The following ARHGAP22 variants were observed in gnomAD, a reference collection of about 807,000 sequenced individuals.
ARHGAP22 encodes the protein Rho GTPase activating protein 22, also known as rho GTPase-activating protein 22.
In ARHGAP22, 48 loss-of-function variants were observed where a neutral mutation model predicts 59.1. That is an observed-to-expected ratio of 0.81 (90% CI 0.64 to 1.03). The LOEUF is 1.03. ARHGAP22 is among the 50% of genes least tolerant of loss of function. The pLI is 0.00. For missense variants in ARHGAP22, 1,015 were observed against 958.7 expected (o/e 1.06, Z -0.78); for synonymous variants, 445 against 416.4 (o/e 1.07, Z -0.84).
chr10:48,571,231 A>G (rs1186052406), intron 2 of ARHGAP22, among the ~76,000 whole-genome samples: 4 of 152,220 alleles, frequency 2.6e-5, no homozygotes, highest in Non-Finnish European at 4.4e-5. Flanking sequence ...CACCCAGTAG[A>G]CCACTCCATC....
chr10:48,550,923 A>G (rs1323441599), intron 3 of ARHGAP22, among the ~76,000 whole-genome samples: 1 of 152,158 alleles, frequency 6.6e-6, no homozygotes, highest in Admixed American at 6.5e-5. Flanking sequence ...AGTCTCATTA[A>G]GGATCTCTCC....
intron 2 of ARHGAP22, among the ~76,000 whole-genome samples, chr10:48,562,530 A>G (rs1184725897): frequency 6.6e-6 from 1 of 152,230 alleles, no homozygotes; most frequent in Non-Finnish European, 1.5e-5. Context: ...GGGAAAGAAG[A>G]CAGACAACAA....
At chr10:48,652,391 C>A in exon 1 of ARHGAP22, 7 of 915,892 alleles carry the variant, frequency 7.6e-6, no homozygotes, top group Non-Finnish European at 1.2e-5. Flanking sequence ...AACAGGAGAT[C>A]CACATCTATA....
chr10:48,586,008 T>C (rs1049861820), intron 1 of ARHGAP22, among the ~76,000 whole-genome samples: 7 of 152,100 alleles, frequency 4.6e-5, no homozygotes, highest in African/African-American at 1.7e-4. Flanking sequence ...TCACCTTATC[T>C]GTGTTTCAGA....
intron 1 of ARHGAP22, among the ~76,000 whole-genome samples, chr10:48,647,999 A>G (rs996508778): frequency 6.6e-6 from 1 of 152,218 alleles, no homozygotes; most frequent in Non-Finnish European, 1.5e-5. Context: ...ATTTATGAAG[A>G]CAAAAAGCAG....
chr10:48,531,571 G>A (rs960265954), intron 3 of ARHGAP22, among the ~76,000 whole-genome samples: 10 of 152,304 alleles, frequency 6.6e-5, no homozygotes, highest in Admixed American at 5.9e-4. Context: ...GCCAGGCTAA[G>A]AGCTTGACAT....
chr10:48,467,256 T>C (rs946721366), intron 4 of ARHGAP22, among the ~76,000 whole-genome samples: 1 of 152,208 alleles, frequency 6.6e-6, no homozygotes, highest in Non-Finnish European at 1.5e-5. Flanking sequence ...TGGACCTTCA[T>C]TAACACCTAC....
intron 5 of ARHGAP22, among the ~76,000 whole-genome samples, chr10:48,457,111 GC>G (rs2046609275): frequency 6.6e-6 from 1 of 152,248 alleles, no homozygotes; most frequent in South Asian, 2.1e-4. Flanking sequence ...GGTCAGTGCA[GC>G]CCGCAGCAAG....
the ARHGAP22 span, chr10:48,434,858 T>G: frequency 6.3e-7 from 1 of 1,584,982 alleles, no homozygotes; most frequent in South Asian, 1.1e-5. Flanking sequence ...TGCAACTGAT[T>G]TGCTGTTTTG....
chr10:48,572,290 C>G (rs374030980), intron 2 of ARHGAP22, among the ~76,000 whole-genome samples: 4 of 152,210 alleles, frequency 2.6e-5, no homozygotes, highest in African/African-American at 9.6e-5. Flanking sequence ...GGCACTAGCC[C>G]TAAGAAACAA....
intron 4 of ARHGAP22, among the ~76,000 whole-genome samples, chr10:48,464,206 C>A (rs1204425292): frequency 6.6e-6 from 1 of 152,210 alleles, no homozygotes; most frequent in African/African-American, 2.4e-5. Flanking sequence ...ACATCGTCCT[C>A]AGGATAAAGC....
chr10:48,601,370 T>C (rs1463448052), intron 1 of ARHGAP22, among the ~76,000 whole-genome samples: 2 of 152,218 alleles, frequency 1.3e-5, no homozygotes, highest in Non-Finnish European at 2.9e-5. Flanking sequence ...TCCTGCAGCC[T>C]TGGGGCAAAA....
At chr10:48,605,079 A>G, upstream of ARHGAP22, 1 of 1,310,568 alleles carries the variant, frequency 7.6e-7, no homozygotes, top group South Asian at 1.7e-5. Flanking sequence ...TCACTGGACC[A>G]GGGCGGGGCA....
chr10:48,589,468 A>T (rs1340548548), intron 1 of ARHGAP22, among the ~76,000 whole-genome samples: 4 of 152,158 alleles, frequency 2.6e-5, no homozygotes, highest in Admixed American at 6.5e-5. Context: ...CTTCAGACTC[A>T]TGTGTCAAAC....
rs1284056309 is a variant in ARHGAP22 at position 48,493,498 on chromosome 10, A to G, written c.323-13734T>C. The G allele has an allele frequency of 9.8e-6, 15 of 1,535,620 alleles. No homozygotes were observed. In the East Asian group the frequency reaches 2.9e-4, roughly 30 times the overall value. On this transcript the variant is annotated intron_variant, in intron 3 of 9. Coordinates refer to ENST00000249601, the MANE Select transcript of ARHGAP22 (RefSeq NM_021226.4). ...GATGGGCCAGAAGGGCATGGTGTGG[A>G]GCAGCGGGGGCTGCAGTGAGAGGAG...
rs555456580 is a variant in ARHGAP22 at position 48,542,152 on chromosome 10, A to C, written c.322+13311T>G. Among the ~76,000 whole-genome samples, 74 of 152,302 alleles carry C rather than the reference A, an allele frequency of 4.9e-4. 1 individual carries two copies. Among genetic ancestry groups the C allele is most frequent in the African/African-American group, 1.7e-3 (71 of 41,556 alleles). On this transcript the variant is annotated intron_variant, in intron 3 of 9. Coordinates refer to ENST00000249601, the MANE Select transcript of ARHGAP22 (RefSeq NM_021226.4). The stretch of plus-strand genomic sequence containing the variant: ...AAGATGTGCACCAAACTCACTCAGG[A>C]CTTGAGCTCTGAGGGCCAGTGCATT...
chr10:48,476,550 C>T (rs1230539306), intron 4 of ARHGAP22, among the ~76,000 whole-genome samples: 1 of 152,238 alleles, frequency 6.6e-6, no homozygotes, highest in Admixed American at 6.5e-5. Context: ...CCTGCCAGCA[C>T]CATGCATGCC....
In ARHGAP22 at chr10:48,601,815, C is replaced by T. The variant is rs1202940015; in HGVS notation, c.34+2948G>A. 3.3e-5 allele frequency among the ~76,000 whole-genome samples: 5 copies of T among 152,206 alleles called. 1 individual carries two copies. Among genetic ancestry groups the T allele is most frequent in the Non-Finnish European group, 1.5e-5 (1 of 68,028 alleles). On this transcript the variant is annotated intron_variant, in intron 1 of 9. Coordinates refer to ENST00000249601, the MANE Select transcript of ARHGAP22 (RefSeq NM_021226.4). Reference sequence around the variant, plus strand: ...TTTCTGCTAGGTATCAATAATCCAACCTCAAACATTCTATGAGTTGTCTAG... The same window carrying T: ...TTTCTGCTAGGTATCAATAATCCAATCTCAAACATTCTATGAGTTGTCTAG...
intron 1 of ARHGAP22, chr10:48,652,117 T>A (rs1393185826): frequency 2.1e-6 from 2 of 971,054 alleles, no homozygotes; most frequent in Admixed American, 4.1e-5. Context: ...TGACCACAGA[T>A]GCCGCCTGGT....
Sources: allele counts gnomAD v4.1 joint callset (sites outside exome capture counted in the v4.1 genomes callset), GRCh38; gene constraint gnomAD v4.1.1; transcripts MANE v1.5; gene names NCBI Gene and HGNC (gene_info 2026-07-23, HGNC 2026-07-21).